Variants in PCYT1B observed in about 807,000 individuals in gnomAD.
The protein encoded by PCYT1B is choline-phosphate cytidylyltransferase B.
A neutral mutation model predicts 26.4 loss-of-function variants in PCYT1B; 10 were observed. That is an observed-to-expected ratio of 0.38 (90% CI 0.23 to 0.64). The LOEUF is 0.64. Among genes scored for constraint, PCYT1B ranks in the 30% least tolerant of loss-of-function variants. The pLI, the probability that PCYT1B is intolerant of heterozygous loss-of-function variation, is 0.56. For missense variants in PCYT1B, 161 were observed against 292.7 expected (o/e 0.55, Z 3.28); for synonymous variants, 131 against 108.4 (o/e 1.21, Z -1.29).
chrX:24,631,052 A>G (rs1238372347), intron 1 of PCYT1B, among the ~76,000 whole-genome samples: 1 of 111,204 alleles, frequency 9.0e-6, no homozygotes, highest in African/African-American at 3.3e-5. Flanking sequence ...CCTCCTGAGT[A>G]GCTGGGATTA....
At chrX:24,632,445 C>A in intron 1 of PCYT1B, 1 of 153,176 alleles carries the variant, frequency 6.5e-6, no homozygotes, top group South Asian at 1.8e-4. Flanking sequence ...ACTCATTTGT[C>A]AATATCTTCA....
chrX:24,666,457 T>A (rs1927129226), intron 1 of PCYT1B, among the ~76,000 whole-genome samples: 1 of 112,022 alleles, frequency 8.9e-6, no homozygotes, highest in African/African-American at 3.2e-5. Flanking sequence ...CCAAAAGAAA[T>A]TATCATTAAG....
At chrX:24,639,128 G>C (rs746796738) in intron 1 of PCYT1B, among the ~76,000 whole-genome samples, 8 of 112,425 alleles carry the variant, frequency 7.1e-5, no homozygotes, top group East Asian at 2.8e-4. Flanking sequence ...AAACCAACAG[G>C]GGGTGAGGAA....
intron 3 of PCYT1B, among the ~76,000 whole-genome samples, chrX:24,599,082 GA>G (rs1345735184): frequency 3.3e-4 from 37 of 111,590 alleles, no homozygotes; most frequent in African/African-American, 1.2e-3. Flanking sequence ...TCAAGTAAAA[GA>G]ATAAGGGATA....
intron 3 of PCYT1B, among the ~76,000 whole-genome samples, chrX:24,600,166 C>A (rs1924913681): frequency 9.0e-6 from 1 of 111,457 alleles, no homozygotes; most frequent in Non-Finnish European, 1.9e-5. Flanking sequence ...CTCGGCCTCC[C>A]AAAGTGCTGG....
intron 3 of PCYT1B, among the ~76,000 whole-genome samples, chrX:24,591,084 C>T (rs1252674324): frequency 9.0e-6 from 1 of 111,575 alleles, no homozygotes; most frequent in Non-Finnish European, 1.9e-5. Flanking sequence ...TGAGCCACCA[C>T]ACCCGGCCTC....
intron 1 of PCYT1B, among the ~76,000 whole-genome samples, chrX:24,644,537 G>C (rs964541189): frequency 9.0e-6 from 1 of 110,620 alleles, no homozygotes; most frequent in South Asian, 3.8e-4. Context: ...TCTCACTTAT[G>C]AGTATGTTAT....
chrX:24,634,122 T>C (rs960438856), intron 1 of PCYT1B, among the ~76,000 whole-genome samples: 1 of 111,282 alleles, frequency 9.0e-6, no homozygotes, highest in Non-Finnish European at 1.9e-5. Context: ...TCTTACTATG[T>C]TGCCCAGGAT....
At chrX:24,617,449 A>ATTT (rs1329470155) in intron 2 of PCYT1B, among the ~76,000 whole-genome samples, 2 of 48,163 alleles carry the variant, frequency 4.2e-5, no homozygotes, top group Non-Finnish European at 7.1e-5. Flanking sequence ...TTATATTATT[A>ATTT]TTATTTTTTT....
In PCYT1B at chrX:24,559,405, AAG is replaced by A. The variant is rs1923304042; in HGVS notation, c.*2886_*2887del. The A allele has an allele frequency of 1.1e-5, 1 of 90,553 alleles. No homozygotes were observed. Among genetic ancestry groups the A allele is most frequent in the Non-Finnish European group, 2.2e-5 (1 of 45,725 alleles). 7.5% of individuals were successfully genotyped at this position (90,553 alleles called of 1,213,427 possible). A position where few individuals can be genotyped will look rare whatever the true frequency, so the allele number is the denominator to read the frequency against. Reference sequence around the variant, plus strand: ...AGAGAAAGAAAAAGAAAGAAAGAAAAAGAGGAAAGAAAAAGAGAAAGAAGAAA... The same window carrying A: ...AGAGAAAGAAAAAGAAAGAAAGAAAAAGGAAAGAAAAAGAGAAAGAAGAAA... On this transcript the variant is annotated 3_prime_UTR_variant, in exon 8 of 8. Coordinates refer to ENST00000379144, the MANE Select transcript of PCYT1B (RefSeq NM_004845.5).
At chrX:24,629,575 AAAAAAAAAAAAAAAAC>A (rs1297684938) in intron 1 of PCYT1B, among the ~76,000 whole-genome samples, 2 of 101,265 alleles carry the variant, frequency 2.0e-5, no homozygotes, top group African/African-American at 3.5e-5. Flanking sequence ...AAAAAAAAAA[AAAAAAAAAAAAAAAAC>A]AACACGTATT....
chrX:24,573,823 G>C (rs1923932631), intron 7 of PCYT1B, among the ~76,000 whole-genome samples: 1 of 110,950 alleles, frequency 9.0e-6, no homozygotes, highest in South Asian at 3.8e-4. Context: ...ATGAAAAGGA[G>C]CCCAGCCCTT....
chrX:24,618,678 CGCAATCTCGGCTCACT>C (rs1925598138), intron 2 of PCYT1B, among the ~76,000 whole-genome samples: 1 of 107,684 alleles, frequency 9.3e-6, no homozygotes, highest in South Asian at 4.1e-4. Context: ...AGTGCAGTGG[CGCAATCTCGGCTCACT>C]GCAATCTCCA....
chrX:24,628,303 C>G (rs1925943785), intron 1 of PCYT1B, among the ~76,000 whole-genome samples: 2 of 111,412 alleles, frequency 1.8e-5, no homozygotes, highest in Non-Finnish European at 3.8e-5. Context: ...CTACTCATTG[C>G]TATATCCCTA....
At chrX:24,585,938 G>T (rs1373491483) in intron 5 of PCYT1B, among the ~76,000 whole-genome samples, 1 of 110,755 alleles carries the variant, frequency 9.0e-6, no homozygotes, top group Non-Finnish European at 1.9e-5. Flanking sequence ...ACTTCATATG[G>T]AAGCAAGCCT....
chrX:24,570,223 T>C (rs775144105), intron 7 of PCYT1B, among the ~76,000 whole-genome samples: 1 of 108,362 alleles, frequency 9.2e-6, no homozygotes, highest in South Asian at 4.1e-4. Flanking sequence ...AAATGGTACA[T>C]TTTATGTTTA....
chrX:24,656,229 C>CGG (rs34445837), intron 1 of PCYT1B, among the ~76,000 whole-genome samples: 8,901 of 43,774 alleles, frequency 0.2, 1,172 homozygotes, highest in Non-Finnish European at 0.27. Flanking sequence ...CAGGGGGTCG[C>CGG]GGGGGGGGGT....
intron 7 of PCYT1B, among the ~76,000 whole-genome samples, chrX:24,571,473 T>C (rs1320748817): frequency 2.9e-5 from 3 of 103,499 alleles, no homozygotes; most frequent in Non-Finnish European, 4.0e-5. Flanking sequence ...TTTTAGACAA[T>C]ATCATCATCA....
At chrX:24,601,220 C>A (rs1924949742) in intron 3 of PCYT1B, among the ~76,000 whole-genome samples, 1 of 112,145 alleles carries the variant, frequency 8.9e-6, no homozygotes, top group South Asian at 3.7e-4. Context: ...GGGCCGGGCA[C>A]GATGGCTCAC....
Sources: allele counts gnomAD v4.1 joint callset (sites outside exome capture counted in the v4.1 genomes callset), GRCh38; gene constraint gnomAD v4.1.1; transcripts MANE v1.5; gene names NCBI Gene and HGNC (gene_info 2026-07-23, HGNC 2026-07-21).